CYP4F3: variants seen among roughly 807,000 people sequenced by gnomAD.
The protein encoded by CYP4F3 is cytochrome P450 family 4 subfamily F member 3.
Under a neutral mutation model 54.8 loss-of-function variants are expected in CYP4F3, and 50 were observed. The ratio of observed to expected loss-of-function variants is 0.91; its 90% CI spans 0.73 to 1.16. CYP4F3 has a LOEUF of 1.16. Ranked by LOEUF, CYP4F3 falls within the 50% of genes most tolerant of loss-of-function variation. The pLI is 0.00. For missense variants in CYP4F3, 715 were observed against 676.2 expected (o/e 1.06, Z -0.64); for synonymous variants, 244 against 262.6 (o/e 0.93, Z 0.69).
At chr19:15,645,292 G>A (rs918573647) in intron 2 of CYP4F3, among the ~76,000 whole-genome samples, 2 of 152,142 alleles carry the variant, frequency 1.3e-5, no homozygotes, top group Non-Finnish European at 1.5e-5. Flanking sequence ...GCCTAGTCTC[G>A]GCAGGCCTGG....
chr19:15,658,532 C>T lies in CYP4F3; in HGVS notation c.1291C>T (p.Pro431Ser). ...CAGTGTTTTTGGAACCCATCACAAC[C>T]CAGCCGTGTGGCCGGACCCTGAGGT... ...LISVFGTHHN[P>S]AVWPDPEVYD... The change falls in exon 11 of 13, where the codon CCA becomes TCA. Residue 431 changes from proline (P) to serine (S), a missense_variant. By Grantham distance (74) the Pro-to-Ser change is moderately conservative (BLOSUM62 -1). Coordinates refer to ENST00000221307, the MANE Select transcript of CYP4F3 (RefSeq NM_000896.3). The T allele has an allele frequency of 1.2e-6, 2 of 1,614,176 alleles. No individual in the cohort carries two copies. Among genetic ancestry groups the T allele is most frequent in the Non-Finnish European group, 1.7e-6 (2 of 1,180,020 alleles).
In CYP4F3 at chr19:15,641,469, G is replaced by A. The variant is rs774016702; in HGVS notation, c.54G>A (p.Pro18=). ...GCCTTTGGCCAATGGCAGCATCCCCGTGGCTGCTCCTGCTGCTGGTTGGGG... is the reference window on the plus strand; with the variant it reads ...GCCTTTGGCCAATGGCAGCATCCCCATGGCTGCTCCTGCTGCTGGTTGGGG... ...SLGLWPMAAS[P]WLLLLLVGAS... The change falls in exon 2 of 13, where the codon CCG becomes CCA. Residue 18 remains proline (P), a synonymous_variant. Transcript: ENST00000221307. The A allele has an allele frequency of 1.4e-5, 23 of 1,614,090 alleles. No individual in the cohort carries two copies. The highest frequency in any genetic ancestry group is 4.4e-5 in the South Asian group (4 of 91,092).
intron 7 of CYP4F3, among the ~76,000 whole-genome samples, chr19:15,650,714 TTCTTTCTTTCTTTC>T (rs1972790983): frequency 3.6e-5 from 1 of 27,792 alleles, no homozygotes; most frequent in Admixed American, 4.1e-4. Context: ...CTTTCTTTCT[TTCTTTCTTTCTTTC>T]TTTCTTTCTT....
At chr19:15,650,404 T>TTTA (rs1972760683) in intron 7 of CYP4F3, 1 of 869,406 alleles carries the variant, frequency 1.2e-6, no homozygotes, top group African/African-American at 1.7e-5. Context: ...ATTTACTCTA[T>TTTA]TTATAAGTTA....
In CYP4F3 at chr19:15,658,439, G is replaced by T. The variant is rs766394820; in HGVS notation, c.1249+42G>T. ...GGGAGGAGCCTCCTGGGTAGGAAGA[G>T]GGGCCCCTCAGGCAGGGAGCATTGT... On this transcript the variant is annotated intron_variant, in intron 10 of 12. Transcript: ENST00000221307. 2.5e-6 allele frequency: 4 copies of T among 1,613,652 alleles called. No individual in the cohort carries two copies. In the South Asian group the frequency reaches 3.3e-5, roughly 13 times the overall value.
intron 9 of CYP4F3, among the ~76,000 whole-genome samples, chr19:15,658,017 C>G (rs999443681): frequency 1.3e-5 from 2 of 152,064 alleles, no homozygotes; most frequent in African/African-American, 4.8e-5. Context: ...GGTGGGGGCC[C>G]CTTTACCAAA....
chr19:15,642,902 AT>A (rs1397486010), intron 2 of CYP4F3, among the ~76,000 whole-genome samples: 4 of 151,778 alleles, frequency 2.6e-5, no homozygotes, highest in East Asian at 3.9e-4. Context: ...GGATGGATGG[AT>A]GGATGGATGG....
chr19:15,650,118 G>A lies in CYP4F3; in HGVS notation c.853G>A (p.Asp285Asn), dbSNP rs1050239580. The A allele has an allele frequency of 1.2e-6, 2 of 1,614,096 alleles. No individual in the cohort carries two copies. Among genetic ancestry groups the A allele is most frequent in the African/African-American group, 2.7e-5 (2 of 74,930 alleles). Residue 285 changes from aspartate (D) to asparagine (N), a missense_variant, in exon 7 of 13, where the codon GAC becomes AAC. Coordinates refer to ENST00000221307, the MANE Select transcript of CYP4F3 (RefSeq NM_000896.3). ...RRTLPSQGVD[D>N]FLQAKAKSKT... ...CACCCTCCCTAGCCAGGGTGTTGAT[G>A]ACTTCCTCCAAGCCAAGGCCAAATC...
At position 15,643,936 on chromosome 19, in the gene CYP4F3, C is replaced by A. The variant is rs762005226; in HGVS notation, c.199-1783C>A. 4 of 1,605,282 alleles carry A rather than the reference C, an allele frequency of 2.5e-6. No individual in the cohort carries two copies. In the African/African-American group the frequency reaches 5.4e-5, roughly 22 times the overall value. ...CCCCCACGGAGCAGGGCATGAGGGT[C>A]CTGACTCAGCTGGTGGCCACCTACC... On this transcript the variant is annotated intron_variant, in intron 2 of 12. Transcript: ENST00000221307.
rs1291437589 is a variant in CYP4F3, at chr19:15,662,567, A to G, written c.*3182A>G. 1 of 152,054 alleles carries G rather than the reference A, an allele frequency of 6.6e-6. No homozygotes were observed. The highest frequency in any genetic ancestry group is 1.5e-5 in the Non-Finnish European group (1 of 68,006). 9.4% of individuals were successfully genotyped at this position (152,054 alleles called of 1,614,324 possible). On this transcript the variant is annotated 3_prime_UTR_variant, in exon 13 of 13. Transcript: ENST00000221307. ...TGTAAATTTTATCATCAGTGTGTCT[A>G]TTTCTACAAATAGTCCTGATAGGGT... is the stretch of plus-strand genomic sequence containing the variant.
intron 9 of CYP4F3, 77 bp from the exon 10 acceptor site, chr19:15,658,187 C>T: frequency 6.3e-7 from 1 of 1,576,314 alleles, no homozygotes; most frequent in East Asian, 2.3e-5. Flanking sequence ...GAAAAGGTCT[C>T]ACTTGCAAAC....
chr19:15,658,646 T>G, intron 11 of CYP4F3, 81 bp from the exon 12 acceptor site: 1 of 1,608,288 alleles, frequency 6.2e-7, no homozygotes, highest in Non-Finnish European at 8.5e-7. Flanking sequence ...ATCACCTCCC[T>G]CCAAGACACA....
Position 15,652,157 on chromosome 19 carries a change from T to C in CYP4F3, c.919-412T>C, listed in dbSNP as rs1366269620. Among the ~76,000 whole-genome samples the C allele has an allele frequency of 2.6e-5, 4 of 152,274 alleles. No individual in the cohort carries two copies. In the South Asian group the frequency reaches 8.3e-4, roughly 32 times the overall value. ...ATATTCCATAGACTTACAACTCAAATGTCTCCAGGGAGATAAGATTCATTT... is the reference window on the plus strand; with the variant it reads ...ATATTCCATAGACTTACAACTCAAACGTCTCCAGGGAGATAAGATTCATTT... On this transcript the variant is annotated intron_variant, in intron 7 of 12. Coordinates refer to ENST00000221307, the MANE Select transcript of CYP4F3 (RefSeq NM_000896.3).
At chr19:15,653,773 A>AGAGAGAGAGAGAGAGT (rs1972939587) in intron 9 of CYP4F3, among the ~76,000 whole-genome samples, 6 of 132,994 alleles carry the variant, frequency 4.5e-5, no homozygotes, top group African/African-American at 1.4e-4. Context: ...AGAGAGAGAG[A>AGAGAGAGAGAGAGAGT]GAGAGAGAGA....
intron 12 of CYP4F3, 70 bp downstream of exon 12, chr19:15,658,879 A>G (rs1021769743): frequency 5.1e-6 from 8 of 1,560,248 alleles, no homozygotes; most frequent in Non-Finnish European, 7.0e-6. Context: ...ACAGTGGGGA[A>G]AAGGGGGACA....
intron 9 of CYP4F3, 131 bp from the exon 10 acceptor site, chr19:15,658,133 G>T (rs1973076811): frequency 6.5e-7 from 1 of 1,541,366 alleles, no homozygotes; most frequent in South Asian, 1.3e-5. Context: ...TTATTCCTGC[G>T]ACTTTGTAAC....
intron 9 of CYP4F3, among the ~76,000 whole-genome samples, chr19:15,653,346 G>T (rs998882661): frequency 6.6e-6 from 1 of 152,204 alleles, no homozygotes; most frequent in Non-Finnish European, 1.5e-5. Context: ...TTATAAGGGA[G>T]ACCTGGGGGT....
intron 9 of CYP4F3, among the ~76,000 whole-genome samples, chr19:15,657,514 C>G (rs1364461235): frequency 6.6e-6 from 1 of 152,156 alleles, no homozygotes; most frequent in African/African-American, 2.4e-5. Context: ...GTCTCGAACT[C>G]CTAACCTCAG....
At chr19:15,641,702 C>T in intron 2 of CYP4F3, 89 bp downstream of exon 2, 5 of 538,102 alleles carry the variant, frequency 9.3e-6, no homozygotes, top group East Asian at 5.2e-5. Context: ...AGGGGGTGGG[C>T]TGGGGTCTGG....
Sources: gnomAD v4.1 joint callset for allele counts (sites outside exome capture counted in the v4.1 genomes callset) on GRCh38, gnomAD v4.1.1 for gene constraint, MANE v1.5 for transcripts, NCBI Gene and HGNC (gene_info 2026-07-23, HGNC 2026-07-21) for gene names.